Variants in MGA observed in about 807,000 individuals in gnomAD.
The protein encoded by MGA is MAX dimerization protein MGA.
MGA carries 40 observed loss-of-function variants against 261.1 expected under a neutral mutation model. That is an observed-to-expected ratio of 0.15 (90% CI 0.12 to 0.20). The LOEUF is 0.20. Among genes scored for constraint, MGA ranks in the 10% least tolerant of loss-of-function variants. MGA has a pLI of 1.00. For missense variants in MGA, 3,397 were observed against 3,630.5 expected, an observed-to-expected ratio of 0.94 and a Z score of 1.65; for synonymous variants, 1,302 against 1,290.6, an observed-to-expected ratio of 1.01 and a Z score of -0.19.
At position 41,766,474 on chromosome 15, in the gene MGA, G is replaced by A. The variant is rs1397552656; in HGVS notation, c.8392G>A (p.Ala2798Thr). 2 of 1,613,996 alleles carry A rather than the reference G, an allele frequency of 1.2e-6. No homozygotes were observed. Among genetic ancestry groups the A allele is most frequent in the South Asian group, 2.2e-5 (2 of 91,080 alleles). The change falls in exon 24 of 24, where the codon GCT (alanine) becomes ACT (threonine). Residue 2798 changes from alanine (A) to threonine (T), a missense_variant. Physicochemically the swap from Ala to Thr is moderately conservative, Grantham distance 58. Around this residue, in one of 9 missense-constraint regions of MGA, gnomAD observed 647 missense variants for 642.4 expected, o/e 1.01. Transcript: ENST00000219905. Reference sequence around the variant, plus strand: ...GATGGAACTGAGGAAAGTAACATCAGCTATAGAGGAAGCAGCTCTTGATTC... The same window carrying A: ...GATGGAACTGAGGAAAGTAACATCAACTATAGAGGAAGCAGCTCTTGATTC...
rs755397446 is a variant in MGA, at chr15:41,749,550, A to G, written c.5943A>G (p.Thr1981=). Residue 1981 remains threonine, a synonymous_variant, in exon 17 of 24, where the codon ACA becomes ACG. Coordinates refer to ENST00000219905, the MANE Select transcript of MGA (RefSeq NM_001164273.2). ...AGAATCCAGACCAGAAAGATGAAAC[A>G]AACTCAATAAAAAGAGAGCAAGAAA... The G allele has an allele frequency of 1.2e-6, 2 of 1,613,984 alleles. No individual in the cohort carries two copies. The highest frequency in any genetic ancestry group is 1.1e-5 in the South Asian group (1 of 91,082).
intron 1 of MGA, among the ~76,000 whole-genome samples, chr15:41,634,781 T>C (rs1205760205): frequency 6.6e-6 from 1 of 152,110 alleles, no homozygotes; most frequent in Non-Finnish European, 1.5e-5. Context: ...TGTTTGAGTA[T>C]GATAGACCAT....
intron 15 of MGA, among the ~76,000 whole-genome samples, chr15:41,745,569 T>C (rs1165322496): frequency 6.6e-6 from 1 of 151,428 alleles, no homozygotes; most frequent in African/African-American, 2.4e-5. Context: ...GATATATTTT[T>C]AATAAAAATG....
chr15:41,764,084 G>A (rs1183661379), intron 22 of MGA, among the ~76,000 whole-genome samples: 2 of 151,916 alleles, frequency 1.3e-5, no homozygotes, highest in East Asian at 1.9e-4. Flanking sequence ...ACTTGAACCC[G>A]GGTGGCGGAG....
chr15:41,670,322 C>T (rs753795463), intron 2 of MGA, among the ~76,000 whole-genome samples: 15 of 151,876 alleles, frequency 9.9e-5, no homozygotes, highest in Non-Finnish European at 1.9e-4. Context: ...ATTATGACAA[C>T]ATAGATGAGC....
chr15:41,621,967 CA>C lies in MGA; in HGVS notation c.-68+670del, dbSNP rs558539918. Among the ~76,000 whole-genome samples the C allele has an allele frequency of 7.9e-3, 1,131 of 144,066 alleles. 8 individuals are homozygous for C. The highest frequency in any genetic ancestry group is 0.014 in the Middle Eastern group (4 of 276). The allele number at this position is 144,066 out of a possible 152,430, so 94.5% of individuals were successfully genotyped here. ...ATGGCTGCTGGAAAGAGTCGCCAAG[CA>C]GGGGGAGTGCTGGGGCCGCGTGAAG... On this transcript the variant is annotated intron_variant, in intron 1 of 8. Coordinates refer to the MGA transcript ENST00000566718.
intron 2 of MGA, among the ~76,000 whole-genome samples, chr15:41,673,602 G>A (rs886121409): frequency 3.4e-5 from 5 of 146,264 alleles, no homozygotes; most frequent in African/African-American, 1.3e-4. Flanking sequence ...GAGTGCAGTG[G>A]TACGATCTCG....
At chr15:41,718,511 A>G in intron 9 of MGA, 1 of 538,618 alleles carries the variant, frequency 1.9e-6, no homozygotes, top group Non-Finnish European at 3.4e-6. Flanking sequence ...ACTGCTCTGT[A>G]GTCTTGTAGT....
intron 13 of MGA, among the ~76,000 whole-genome samples, chr15:41,737,161 ATT>A (rs2061827356): frequency 6.6e-6 from 1 of 152,092 alleles, no homozygotes; most frequent in Admixed American, 6.6e-5. Flanking sequence ...AATTTTAAAA[ATT>A]TTTATTTATT....
Position 41,727,239 on chromosome 15 carries a change from G to A in MGA, c.3490G>A (p.Glu1164Lys). The A allele has an allele frequency of 6.2e-7, 1 of 1,613,928 alleles. No homozygotes were observed. Among genetic ancestry groups the A allele is most frequent in the East Asian group, 2.2e-5 (1 of 44,862 alleles). The change falls in exon 10 of 24, where the codon GAA becomes AAA. Residue 1164 changes from glutamate to lysine, a missense_variant. By Grantham distance (56) the Glu-to-Lys change is moderately conservative. Coordinates refer to ENST00000219905, the MANE Select transcript of MGA (RefSeq NM_001164273.2). ...ACATTACCCATTATGGGTAAAAGTA[G>A]AAGGTGAAGTAGATCCAGAACCAGT...
At position 41,707,866 on chromosome 15, in the gene MGA, A is replaced by G; in HGVS notation, c.2320+7A>G. 1.3e-6 allele frequency: 2 copies of G among 1,597,776 alleles called. No individual in the cohort carries two copies. Among genetic ancestry groups the G allele is most frequent in the Non-Finnish European group, 1.7e-6 (2 of 1,175,896 alleles). On this transcript the variant is annotated splice_region_variant and intron_variant, in intron 6 of 23. Coordinates refer to ENST00000219905, the MANE Select transcript of MGA (RefSeq NM_001164273.2). ...ACCAACCCTGCCTCTCCTGGTGAGT[A>G]TGTAACATTTGTAAAGTCAAACACT...
Position 41,713,674 on chromosome 15 carries a change from C to T in MGA, c.3430+178C>T, listed in dbSNP as rs138780114. Among the ~76,000 whole-genome samples, 310 of 152,256 alleles carry T rather than the reference C, an allele frequency of 2.0e-3. 2 individuals carry two copies. Among genetic ancestry groups the T allele is most frequent in the African/African-American group, 7.2e-3 (299 of 41,554 alleles). On this transcript the variant is annotated intron_variant, in intron 9 of 23. Coordinates refer to ENST00000219905, the MANE Select transcript of MGA (RefSeq NM_001164273.2). ...ATCTGAGATGCACACAAACACACACCTTTTTTAAGTTGAATTGTTCTCTGA... is the reference window on the plus strand; with the variant it reads ...ATCTGAGATGCACACAAACACACACTTTTTTTAAGTTGAATTGTTCTCTGA...
intron 9 of MGA, among the ~76,000 whole-genome samples, chr15:41,722,121 AATTTTTTT>A (rs1567033172): frequency 1.6e-5 from 2 of 123,402 alleles, no homozygotes; most frequent in Admixed American, 1.0e-4. Flanking sequence ...AAAGTAGGCC[AATTTTTTT>A]TTTTTTTTTT....
rs765117887 is a variant in MGA, at chr15:41,696,674, A to G, written c.1664A>G (p.Asp555Gly). The change falls in exon 3 of 24, where the codon GAT becomes GGT. Residue 555 changes from aspartate (D) to glycine (G), a missense_variant. Physicochemically the swap from Asp to Gly is moderately conservative, Grantham distance 94 (BLOSUM62 -1). Transcript: ENST00000219905. ...AAAGAGCCTCAGTGGAAATATCCTG[A>G]TATATCTGACAGCATTAGCACAGAA... The G allele has an allele frequency of 8.7e-6, 14 of 1,612,820 alleles. No homozygotes were observed. The highest frequency in any genetic ancestry group is 1.2e-5 in the Non-Finnish European group (14 of 1,179,448).
chr15:41,736,252 G>A lies in MGA; in HGVS notation c.3988G>A (p.Gly1330Ser). The A allele has an allele frequency of 6.2e-7, 1 of 1,613,932 alleles. No homozygotes were observed. The highest frequency in any genetic ancestry group is 1.1e-5 in the South Asian group (1 of 91,078). The change falls in exon 13 of 24, where the codon GGT becomes AGT. Residue 1330 changes from glycine to serine, a missense_variant. Transcript: ENST00000219905. ...TTCTTATATGCATCAGAGGTCACCTGGTGGTCCCACCAAACTGATTGAGAT... is the reference window on the plus strand; with the variant it reads ...TTCTTATATGCATCAGAGGTCACCTAGTGGTCCCACCAAACTGATTGAGAT...
intron 1 of MGA, among the ~76,000 whole-genome samples, chr15:41,664,020 G>T (rs1304213047): frequency 6.6e-6 from 1 of 152,158 alleles, no homozygotes; most frequent in Non-Finnish European, 1.5e-5. Flanking sequence ...TTCATTCCAT[G>T]TTCTTAAACC....
chr15:41,663,845 C>G (rs1439219302), intron 1 of MGA, among the ~76,000 whole-genome samples: 2 of 152,012 alleles, frequency 1.3e-5, no homozygotes, highest in Admixed American at 6.6e-5. Context: ...CTTGGTGTGT[C>G]TGAAACAGCT....
chr15:41,679,565 TTGAG>T (rs779673696), intron 2 of MGA, among the ~76,000 whole-genome samples: 2 of 152,212 alleles, frequency 1.3e-5, no homozygotes, highest in African/African-American at 2.4e-5. Context: ...CTATTATATA[TTGAG>T]TGATTTCCTT....
Position 41,710,942 on chromosome 15 carries a change from C to G in MGA, c.2677C>G (p.Pro893Ala). ...TTCTTTGAAACCTCATTCTGTACCCCCTGTCTCTCGAAAGGCAAAGTCTCA... is the reference window on the plus strand; with the variant it reads ...TTCTTTGAAACCTCATTCTGTACCCGCTGTCTCTCGAAAGGCAAAGTCTCA... Residue 893 changes from proline to alanine, a missense_variant, in exon 8 of 24, where the codon CCT becomes GCT. This residue lies in a region of MGA where 519 missense variants were observed against 554.1 expected (regional missense o/e 0.94). Transcript: ENST00000219905. 6.2e-7 allele frequency: 1 copy of G among 1,613,942 alleles called. No individual in the cohort carries two copies. Among genetic ancestry groups the G allele is most frequent in the East Asian group, 2.2e-5 (1 of 44,890 alleles).
Sources: gnomAD v4.1 joint callset for allele counts (sites outside exome capture counted in the v4.1 genomes callset) on GRCh38, gnomAD v4.1.1 for gene constraint, gnomAD v4.1.1 regional missense constraint, MANE v1.5 for transcripts, NCBI Gene and HGNC (gene_info 2026-07-23, HGNC 2026-07-21) for gene names.